The following DHRS7B variants were observed in gnomAD, a reference collection of about 807,000 sequenced individuals.
DHRS7B encodes dehydrogenase/reductase 7B.
A neutral mutation model predicts 26.4 loss-of-function variants in DHRS7B; 24 were observed. The observed-to-expected ratio is 0.91, with a 90% CI of 0.66 to 1.28. The LOEUF is 1.28. DHRS7B is among the 50% of genes most tolerant of loss of function. The probability of loss-of-function intolerance (pLI) is 0.00; values close to 1 mark genes in which losing one functional copy is unlikely to be tolerated. For missense variants in DHRS7B, 368 were observed against 419.4 expected (o/e 0.88, Z 1.07); for synonymous variants, 142 against 166.4 (o/e 0.85, Z 1.13).
chr17:21,152,512 G>A (rs920106021), intron 1 of DHRS7B, among the ~76,000 whole-genome samples: 2 of 152,198 alleles, frequency 1.3e-5, no homozygotes, highest in African/African-American at 2.4e-5. Context: ...ATAAACTTCA[G>A]TGGGACCCAG....
chr17:21,161,720 C>G (rs1430681231), intron 1 of DHRS7B, among the ~76,000 whole-genome samples: 1 of 152,180 alleles, frequency 6.6e-6, no homozygotes, highest in African/African-American at 2.4e-5. Context: ...GAAAGAGACA[C>G]AGCCGTGTCC....
intron 2 of DHRS7B, among the ~76,000 whole-genome samples, chr17:21,177,607 C>T (rs1448180743): frequency 1.3e-5 from 2 of 152,162 alleles, no homozygotes; most frequent in African/African-American, 2.4e-5. Flanking sequence ...CAGGTGCTTG[C>T]GTGCACTGAC....
chr17:21,141,009 C>T (rs559101478), intron 1 of DHRS7B, among the ~76,000 whole-genome samples: 7 of 152,248 alleles, frequency 4.6e-5, no homozygotes, highest in South Asian at 2.1e-4. Flanking sequence ...TGAGTCGCTT[C>T]CACCCTTTTA....
chr17:21,160,428 A>G (rs542668285), intron 1 of DHRS7B, among the ~76,000 whole-genome samples: 34 of 152,300 alleles, frequency 2.2e-4, no homozygotes, highest in Non-Finnish European at 4.9e-4. Context: ...ATCTGAAGAG[A>G]CCTGAGTGAA....
intron 1 of DHRS7B, among the ~76,000 whole-genome samples, chr17:21,163,180 A>T (rs528896314): frequency 1.7e-4 from 25 of 144,218 alleles, no homozygotes; most frequent in Admixed American, 1.4e-3. Context: ...TGGGTGACAG[A>T]GCAAGACTGT....
intron 1 of DHRS7B, among the ~76,000 whole-genome samples, chr17:21,141,640 A>AAAAAAAACAAAAAAAG: frequency 1.1e-5 from 1 of 90,078 alleles, no homozygotes; most frequent in African/African-American, 4.3e-5. Flanking sequence ...AAAAAAAAAA[A>AAAAAAAACAAAAAAAG]CAACCTCATC....
chr17:21,146,073 T>TA, intron 1 of DHRS7B, among the ~76,000 whole-genome samples: 1 of 152,282 alleles, frequency 6.6e-6, no homozygotes, highest in East Asian at 1.9e-4. Flanking sequence ...GTTGTGGTAA[T>TA]AATATCATTT....
At chr17:21,136,656 A>G (rs1452475974) in intron 1 of DHRS7B, among the ~76,000 whole-genome samples, 1 of 151,750 alleles carries the variant, frequency 6.6e-6, no homozygotes, top group African/African-American at 2.4e-5. Context: ...GGTTCAAGCG[A>G]TTCATTCTCC....
chr17:21,159,738 G>A (rs749217055), intron 1 of DHRS7B, among the ~76,000 whole-genome samples: 2 of 151,496 alleles, frequency 1.3e-5, no homozygotes, highest in Admixed American at 6.6e-5. Context: ...GCTAGTCACA[G>A]TGGTGTGTGC....
chr17:21,134,914 A>T (rs1209306976), intron 1 of DHRS7B, among the ~76,000 whole-genome samples: 1 of 152,178 alleles, frequency 6.6e-6, no homozygotes, highest in African/African-American at 2.4e-5. Context: ...CTTGATACTC[A>T]TGAACATTTT....
In DHRS7B at chr17:21,191,052, C is replaced by T. The variant is rs1974768761; in HGVS notation, c.877C>T (p.Leu293=). Residue 293 remains leucine (L), a synonymous_variant, in exon 7 of 7, where the codon CTG becomes TTG. Coordinates refer to ENST00000395511, the MANE Select transcript of DHRS7B (RefSeq NM_015510.5). ...KKKDVILADL[L]PSLAVYLRTL... ...GAAAGATGTGATCCTGGCTGACTTA[C>T]TGCCTTCCTTGGCTGTTTATCTTCG... 2 of 1,614,264 alleles carry T rather than the reference C, an allele frequency of 1.2e-6. No individual in the cohort carries two copies. The highest frequency in any genetic ancestry group is 1.3e-5 in the African/African-American group (1 of 75,074).
intron 5 of DHRS7B, among the ~76,000 whole-genome samples, chr17:21,184,776 C>T (rs1974594232): frequency 6.6e-6 from 1 of 152,234 alleles, no homozygotes; most frequent in African/African-American, 2.4e-5. Flanking sequence ...AGACACTAAG[C>T]ACTAGGCATG....
At chr17:21,144,409 A>T (rs116684964) in intron 1 of DHRS7B, among the ~76,000 whole-genome samples, 2,971 of 152,276 alleles carry the variant, frequency 0.02, 113 homozygotes, top group African/African-American at 0.068. Context: ...TAACTATAAA[A>T]CTAACAAGCA....
intron 2 of DHRS7B, among the ~76,000 whole-genome samples, chr17:21,174,771 G>A (rs1974336469): frequency 6.6e-6 from 1 of 152,202 alleles, no homozygotes; most frequent in Non-Finnish European, 1.5e-5. Context: ...ACAAAATGGG[G>A]TGAGGAAGCC....
At chr17:21,130,819 C>G (rs912694847) in intron 1 of DHRS7B, among the ~76,000 whole-genome samples, 2 of 152,168 alleles carry the variant, frequency 1.3e-5, no homozygotes. Flanking sequence ...AGAAACCTTT[C>G]TTTGGTAGCC....
At chr17:21,141,755 G>T (rs1973520423) in intron 1 of DHRS7B, among the ~76,000 whole-genome samples, 1 of 150,864 alleles carries the variant, frequency 6.6e-6, no homozygotes, top group South Asian at 2.1e-4. Context: ...AAAAAGAGGA[G>T]TTATACAGCA....
At chr17:21,137,352 AG>A (rs1973369246) in intron 1 of DHRS7B, among the ~76,000 whole-genome samples, 1 of 140,118 alleles carries the variant, frequency 7.1e-6, no homozygotes, top group Admixed American at 7.4e-5. Flanking sequence ...GCTGGAGTGC[AG>A]TGGCACAATC....
chr17:21,159,460 T>TTGGTCAGGA (rs1973953080), intron 1 of DHRS7B, among the ~76,000 whole-genome samples: 2 of 151,768 alleles, frequency 1.3e-5, no homozygotes, highest in African/African-American at 4.8e-5. Context: ...TTTCACTGTG[T>TTGGTCAGGA]TGGTCAGGAT....
chr17:21,177,931 C>T (rs2144167856), intron 2 of DHRS7B, among the ~76,000 whole-genome samples: 1 of 152,374 alleles, frequency 6.6e-6, no homozygotes, highest in African/African-American at 2.4e-5. Flanking sequence ...GCTCCCTCAG[C>T]TGTGAAGATA....
Sources: gnomAD v4.1 joint callset for allele counts (sites outside exome capture counted in the v4.1 genomes callset) on GRCh38, gnomAD v4.1.1 for gene constraint, MANE v1.5 for transcripts, NCBI Gene and HGNC (gene_info 2026-07-23, HGNC 2026-07-21) for gene names.